Variants in LAMA4 observed in about 807,000 individuals in gnomAD.
LAMA4 encodes laminin subunit alpha 4.
A neutral mutation model predicts 207.1 loss-of-function variants in LAMA4; 127 were observed. The observed-to-expected ratio is 0.61, with a 90% CI of 0.53 to 0.71. The LOEUF is 0.71. LAMA4 is among the 30% of genes least tolerant of loss of function. The pLI, the probability that LAMA4 is intolerant of heterozygous loss-of-function variation, is 0.00. For synonymous variants in LAMA4, 761 were observed against 816.0 expected (o/e 0.93, Z 1.15); for missense variants, 2,093 against 2,246.5 (o/e 0.93, Z 1.38).
chr6:112,187,169 T>G, intron 8 of LAMA4: 1 of 513,228 alleles, frequency 1.9e-6, no homozygotes, highest in Non-Finnish European at 3.5e-6. Context: ...TTCTCTTTCC[T>G]CAGTAGTTTT....
At chr6:112,152,402 C>A (rs1256797459) in intron 16 of LAMA4, among the ~76,000 whole-genome samples, 2 of 151,904 alleles carry the variant, frequency 1.3e-5, no homozygotes, top group Admixed American at 6.6e-5. Flanking sequence ...TAAAATTGTT[C>A]TTGAAAGCAC....
chr6:112,128,693 C>T (rs1195051167), intron 31 of LAMA4, among the ~76,000 whole-genome samples: 2 of 152,100 alleles, frequency 1.3e-5, no homozygotes, highest in African/African-American at 4.8e-5. Context: ...CTCTGTACCC[C>T]ATACATTTGT....
At chr6:112,178,584 T>C (rs1433835220) in intron 9 of LAMA4, 11 of 294,552 alleles carry the variant, frequency 3.7e-5, no homozygotes, top group South Asian at 3.4e-4. Flanking sequence ...ACTCCACTCT[T>C]CCCTGCAAGT....
At chr6:112,122,433 C>T (rs1001363468) in intron 31 of LAMA4, among the ~76,000 whole-genome samples, 3 of 152,114 alleles carry the variant, frequency 2.0e-5, no homozygotes, top group Non-Finnish European at 2.9e-5. Context: ...CAAATTCTTC[C>T]GCATGGTAGT....
At chr6:112,186,527 T>C (rs1782693276) in intron 8 of LAMA4, among the ~76,000 whole-genome samples, 1 of 152,222 alleles carries the variant, frequency 6.6e-6, no homozygotes, top group African/African-American at 2.4e-5. Context: ...AGGACCTTTA[T>C]ATAGTCATCC....
intron 20 of LAMA4, 40 bp from the exon 21 acceptor site, chr6:112,141,543 C>A (rs782330852): frequency 6.9e-7 from 1 of 1,439,508 alleles, no homozygotes; most frequent in Non-Finnish European, 9.8e-7. Flanking sequence ...AAATAAAATT[C>A]ATAAGAATGA....
At position 112,213,611 on chromosome 6, in the gene LAMA4, TA is replaced by T. The variant is rs370427819; in HGVS notation, c.297+2756del. 1,013 of 157,356 alleles carry T rather than the reference TA, an allele frequency of 6.4e-3. 19 individuals carry two copies. The highest frequency in any genetic ancestry group is 0.022 in the African/African-American group (934 of 41,692). 9.7% of individuals were successfully genotyped at this position (157,356 alleles called of 1,614,324 possible). A position where few individuals can be genotyped will look rare whatever the true frequency, so the allele number is the denominator to read the frequency against. Reference sequence around the variant, plus strand: ...ATTTGAAAGATTAGTGTTCCACCAGTAAAAAAAAATCTCTTTGCTTGCTTGA... The same window carrying T: ...ATTTGAAAGATTAGTGTTCCACCAGTAAAAAAAATCTCTTTGCTTGCTTGA... On this transcript the variant is annotated intron_variant, in intron 3 of 38. Coordinates refer to ENST00000230538, the MANE Select transcript of LAMA4 (RefSeq NM_001105206.3).
chr6:112,212,774 A>G (rs1784423131), intron 3 of LAMA4, among the ~76,000 whole-genome samples: 1 of 152,222 alleles, frequency 6.6e-6, no homozygotes, highest in Admixed American at 6.5e-5. Context: ...TTGCAAGAAA[A>G]ACAGGAACAA....
intron 2 of LAMA4, among the ~76,000 whole-genome samples, chr6:112,228,006 T>C (rs1195039280): frequency 1.3e-5 from 2 of 152,226 alleles, no homozygotes; most frequent in East Asian, 1.9e-4. Context: ...GAAATTACAA[T>C]ATTAAAATTT....
intron 6 of LAMA4, among the ~76,000 whole-genome samples, chr6:112,190,279 TCTC>T (rs1554348111): frequency 6.6e-6 from 1 of 152,234 alleles, no homozygotes; most frequent in East Asian, 1.9e-4. Flanking sequence ...CCGCCTTCTC[TCTC>T]TTTAGCCTGA....
chr6:112,129,758 T>A (rs1221633232), intron 30 of LAMA4, 118 bp downstream of exon 30: 8 of 846,568 alleles, frequency 9.4e-6, no homozygotes, highest in Non-Finnish European at 1.3e-5. Flanking sequence ...TAAAAGCTTT[T>A]AATTACTATC....
intron 33 of LAMA4, 114 bp downstream of exon 33, chr6:112,120,169 G>T: frequency 1.2e-6 from 1 of 842,904 alleles, no homozygotes; most frequent in Non-Finnish European, 1.9e-6. Context: ...TTCTGAGTGT[G>T]CAGCAGCAGA....
chr6:112,151,171 C>G (rs1780381119), intron 16 of LAMA4, among the ~76,000 whole-genome samples: 1 of 152,104 alleles, frequency 6.6e-6, no homozygotes, highest in Non-Finnish European at 1.5e-5. Context: ...TCCCTAGAGC[C>G]CCTGTGATAA....
chr6:112,252,203 G>A (rs571341631), intron 2 of LAMA4, among the ~76,000 whole-genome samples: 8 of 152,288 alleles, frequency 5.3e-5, no homozygotes, highest in African/African-American at 1.9e-4. Context: ...AATTCTGTCA[G>A]TATCAGTTTA....
intron 6 of LAMA4, among the ~76,000 whole-genome samples, chr6:112,191,162 A>G (rs1050776705): frequency 2.0e-5 from 3 of 151,644 alleles, no homozygotes; most frequent in Non-Finnish European, 4.4e-5. Context: ...TTGTATTTTT[A>G]GTAGAGACAA....
Position 112,162,965 on chromosome 6 carries a change from C to CTTTTTTTTTTTTTTT in LAMA4, c.1668+2180_1668+2194dup, listed in dbSNP as rs34824903. On this transcript the variant is annotated intron_variant, in intron 13 of 38. Transcript: ENST00000230538. ...GCCCAGTGTCAAGTGCAGCTCAAAT[C>CTTTTTTTTTTTTTTT]TTTTTTTTTTTTTTTTTTTTTTTTG... 4.9e-4 allele frequency among the ~76,000 whole-genome samples: 45 copies of CTTTTTTTTTTTTTTT among 91,282 alleles called. 1 individual carries two copies. Among genetic ancestry groups the CTTTTTTTTTTTTTTT allele is most frequent in the African/African-American group, 2.0e-3 (43 of 21,826 alleles). 59.9% of individuals were successfully genotyped at this position (91,282 alleles called of 152,430 possible).
intron 31 of LAMA4, among the ~76,000 whole-genome samples, chr6:112,124,890 G>A (rs1778594641): frequency 1.3e-5 from 2 of 151,942 alleles, no homozygotes; most frequent in African/African-American, 4.8e-5. Flanking sequence ...CCGAGTAGCT[G>A]GGATTACAGG....
chr6:112,130,477 A>G (rs1479615319), intron 29 of LAMA4, among the ~76,000 whole-genome samples: 17 of 152,230 alleles, frequency 1.1e-4, no homozygotes, highest in Non-Finnish European at 7.4e-5. Context: ...TATGTCCACA[A>G]AAGTGGACAT....
In LAMA4 at chr6:112,158,750, T is replaced by G. The variant is rs782755489; in HGVS notation, c.1799A>C (p.Glu600Ala). Residue 600 changes from glutamate (E) to alanine (A), a missense_variant, in exon 14 of 39, where the codon GAA becomes GCA. Glu to Ala is a moderately radical substitution (Grantham distance 107). Coordinates refer to ENST00000230538, the MANE Select transcript of LAMA4 (RefSeq NM_001105206.3). Reference protein sequence around the residue: ...AIDHAQDLQQEANELSRKLHS... With the variant: ...AIDHAQDLQQAANELSRKLHS... ...ATATTACCTGCTCAATTCATTAGCTTCTTGTTGAAGGTCCTGTGCATGGTC... is the reference window on the plus strand; with the variant it reads ...ATATTACCTGCTCAATTCATTAGCTGCTTGTTGAAGGTCCTGTGCATGGTC... The G allele has an allele frequency of 6.2e-7, 1 of 1,613,840 alleles. No individual in the cohort carries two copies. The highest frequency in any genetic ancestry group is 8.5e-7 in the Non-Finnish European group (1 of 1,179,766).
Sources: gnomAD v4.1 joint callset for allele counts (sites outside exome capture counted in the v4.1 genomes callset) on GRCh38, gnomAD v4.1.1 for gene constraint, MANE v1.5 for transcripts, NCBI Gene and HGNC (gene_info 2026-07-23, HGNC 2026-07-21) for gene names.